The following TPI1 variants were observed in gnomAD, a reference collection of about 807,000 sequenced individuals.
TPI1 encodes triosephosphate isomerase.
TPI1 carries 11 observed loss-of-function variants against 31.0 expected under a neutral mutation model. The observed-to-expected ratio is 0.36, with a 90% CI of 0.22 to 0.59. The LOEUF (loss-of-function observed/expected upper bound fraction) is 0.59, where lower values mean the gene tolerates loss of function less well. Ranked by LOEUF, TPI1 falls within the 20% of genes least tolerant of loss-of-function variation. The probability of loss-of-function intolerance (pLI) is 0.79; values close to 1 mark genes in which losing one functional copy is unlikely to be tolerated. For synonymous variants in TPI1, 121 were observed against 122.8 expected (o/e 0.99, Z 0.10); for missense variants, 245 against 319.7 (o/e 0.77, Z 1.78).
rs1555131512 is a variant in TPI1 at position 6,867,581 on chromosome 12, G to T, written c.15G>T (p.Arg5Ser). MAPSRKFFVGGNWKM... is the reference protein window; with the variant it reads MAPSSKFFVGGNWKM... ...GCTCCAGCGCCATGGCGCCCTCCAG[G>T]AAGTTCTTCGTTGGGGGAAACTGGA... Residue 5 changes from arginine (R) to serine (S), a missense_variant, in exon 1 of 7, where the codon AGG becomes AGT. This residue lies in a region of TPI1 where 95 missense variants were observed against 96.4 expected (regional missense o/e 0.99). Coordinates refer to ENST00000396705, the MANE Select transcript of TPI1 (RefSeq NM_000365.6). 21 of 1,612,832 alleles carry T rather than the reference G, an allele frequency of 1.3e-5. No homozygotes were observed. Among genetic ancestry groups the T allele is most frequent in the Non-Finnish European group, 1.7e-5 (20 of 1,179,740 alleles).
At chr12:6,869,963 A>T in intron 5 of TPI1, 86 bp from the exon 6 acceptor site, 1 of 1,510,108 alleles carries the variant, frequency 6.6e-7, no homozygotes, top group Non-Finnish European at 9.2e-7. Flanking sequence ...CTCAGTCAGA[A>T]ACCACACTAA....
At chr12:6,869,052 C>T (rs782418475) in intron 2 of TPI1, 47 bp from the exon 3 acceptor site, 1 of 1,614,050 alleles carries the variant, frequency 6.2e-7, no homozygotes, top group African/African-American at 1.3e-5. Context: ...AGGGGAAAGC[C>T]ACAGGGTGGG....
At chr12:6,869,896 C>G in intron 5 of TPI1, 123 bp downstream of exon 5, 1 of 1,414,222 alleles carries the variant, frequency 7.1e-7, no homozygotes, top group South Asian at 1.2e-5. Flanking sequence ...GAGACAGTGA[C>G]TTGTCCAAGG....
Position 6,870,363 on chromosome 12 carries a change from A to G in TPI1, c.730A>G (p.Ile244Val), listed in dbSNP as rs143000041. 3.5e-5 allele frequency: 57 copies of G among 1,613,328 alleles called. No homozygotes were observed. In the Middle Eastern group the frequency reaches 5.1e-4, roughly 14 times the overall value. Residue 244 changes from isoleucine to valine, a missense_variant, in exon 7 of 7, where the codon ATC becomes GTC. By Grantham distance (29) the Ile-to-Val change is conservative (BLOSUM62 3). Transcript: ENST00000396705. ...TTCCCTCAAGCCCGAATTCGTGGACATCATCAATGCCAAACAATGAGCCCC... is the reference window on the plus strand; with the variant it reads ...TTCCCTCAAGCCCGAATTCGTGGACGTCATCAATGCCAAACAATGAGCCCC... ...GASLKPEFVD[I>V]INAKQ
At chr12:6,870,018 A>G in intron 5 of TPI1, 31 bp from the exon 6 acceptor site, 1 of 1,612,460 alleles carries the variant, frequency 6.2e-7, no homozygotes, top group South Asian at 1.1e-5. Flanking sequence ...GAGGCAGAAA[A>G]GGTCTTACTT....
rs782449445 is a variant in TPI1 at position 6,870,093 on chromosome 12, C to T, written c.588C>T (p.Asn196=). 37 of 1,614,108 alleles carry T rather than the reference C, an allele frequency of 2.3e-5. 1 individual carries two copies. Among genetic ancestry groups the T allele is most frequent in the South Asian group, 1.3e-4 (12 of 91,092 alleles). The change falls in exon 6 of 7, where the codon AAC becomes AAT. Residue 196 remains asparagine, a synonymous_variant. Coordinates refer to ENST00000396705, the MANE Select transcript of TPI1 (RefSeq NM_000365.6). ...AGCTCCGAGGATGGCTGAAGTCCAA[C>T]GTCTCTGATGCGGTGGCTCAGAGCA... ...HEKLRGWLKS[N]VSDAVAQSTR...
chr12:6,868,893 A>G lies in TPI1; in HGVS notation c.145A>G (p.Ile49Val). Residue 49 changes from isoleucine to valine, a missense_variant, in exon 2 of 7, where the codon ATC (isoleucine) becomes GTC (valine). Transcript: ENST00000396705. ...EVVCAPPTAY[I>V]DFARQKLDPK... Reference sequence around the variant, plus strand: ...GGTTTGTGCTCCCCCTACTGCCTATATCGACTTCGCCCGGCAGAAGCTAGA... The same window carrying G: ...GGTTTGTGCTCCCCCTACTGCCTATGTCGACTTCGCCCGGCAGAAGCTAGA... 1 of 1,613,854 alleles carries G rather than the reference A, an allele frequency of 6.2e-7. No homozygotes were observed. The highest frequency in any genetic ancestry group is 8.5e-7 in the Non-Finnish European group (1 of 1,179,930).
rs782589308 is a variant in TPI1, at chr12:6,869,590, T to C, written c.458-98T>C. Reference sequence around the variant, plus strand: ...CACCTGGAAATCCCCCAATGTCCACTAGGGGGCAGTAGGCCACCGTTCTTC... The same window carrying C: ...CACCTGGAAATCCCCCAATGTCCACCAGGGGGCAGTAGGCCACCGTTCTTC... On this transcript the variant is annotated intron_variant, in intron 4 of 6. Transcript: ENST00000396705. 1.3e-5 allele frequency: 19 copies of C among 1,496,410 alleles called. No individual in the cohort carries two copies. In the South Asian group the frequency reaches 1.8e-4, roughly 14 times the overall value. The allele number at this position is 1,496,410 out of a possible 1,614,324, so 92.7% of individuals were successfully genotyped here. A position where few individuals can be genotyped will look rare whatever the true frequency, so the allele number is the denominator to read the frequency against.
rs782292188 is a variant in TPI1, at chr12:6,868,952, C to T, written c.204C>T (p.Tyr68=). The T allele has an allele frequency of 3.1e-6, 5 of 1,614,086 alleles. No individual in the cohort carries two copies. Among genetic ancestry groups the T allele is most frequent in the Non-Finnish European group, 3.4e-6 (4 of 1,180,040 alleles). ...PKIAVAAQNC[Y]KVTNGAFTGE... Reference sequence around the variant, plus strand: ...TTGCTGTGGCTGCGCAGAACTGCTACAAAGTGACTAATGGGGCTTTTACTG... The same window carrying T: ...TTGCTGTGGCTGCGCAGAACTGCTATAAAGTGACTAATGGGGCTTTTACTG... The change falls in exon 2 of 7, where the codon TAC becomes TAT. Residue 68 remains tyrosine, a synonymous_variant. Coordinates refer to ENST00000396705, the MANE Select transcript of TPI1 (RefSeq NM_000365.6).
chr12:6,868,112 T>G, intron 1 of TPI1: 1 of 1,270,718 alleles, frequency 7.9e-7, no homozygotes, highest in Non-Finnish European at 1.0e-6. Flanking sequence ...CTCCTCCCCT[T>G]CCTCGCCGGC....
rs1442814278 is a variant in TPI1 at position 6,870,712 on chromosome 12, TAC to T, written c.*332_*333del. On this transcript the variant is annotated 3_prime_UTR_variant, in exon 7 of 7. Transcript: ENST00000396705. ...GAAGAGAAACCATCCTCTCCCTTCT[TAC>T]ACCGTGAGGCCAAGATCCCCTCAGA... 4 of 565,858 alleles carry T rather than the reference TAC, an allele frequency of 7.1e-6. No individual in the cohort carries two copies. The highest frequency in any genetic ancestry group is 1.4e-5 in the Non-Finnish European group (4 of 292,838). 35.1% of individuals were successfully genotyped at this position (565,858 alleles called of 1,614,324 possible).
At chr12:6,870,206 TG>T in intron 6 of TPI1, 58 bp from the exon 7 acceptor site, 5 of 1,596,642 alleles carry the variant, frequency 3.1e-6, no homozygotes, top group Non-Finnish European at 3.4e-6. Flanking sequence ...GACATGGAGG[TG>T]GGGATGGGGC....
Position 6,868,852 on chromosome 12 carries a change from T to C in TPI1, c.116-12T>C, listed in dbSNP as rs369077745. On this transcript the variant is annotated splice_polypyrimidine_tract_variant and intron_variant, in intron 1 of 6. Transcript: ENST00000396705. ...TTAGTCTCATCCCCCTGTGGTACCATCTTGTCCTCAGAGGTGGTTTGTGCT... is the reference window on the plus strand; with the variant it reads ...TTAGTCTCATCCCCCTGTGGTACCACCTTGTCCTCAGAGGTGGTTTGTGCT... 3.4e-5 allele frequency: 54 copies of C among 1,611,078 alleles called. No homozygotes were observed. The African/African-American group carries it at 5.9e-4, about 18-fold the overall frequency.
Position 6,870,401 on chromosome 12 carries a change from T to C in TPI1, c.*18T>C, listed in dbSNP as rs781825619. ...AACAATGAGCCCCATCCATCTTCCC[T>C]ACCCTTCCTGCCAAGCCAGGGACTA... On this transcript the variant is annotated 3_prime_UTR_variant, in exon 7 of 7. Transcript: ENST00000396705. The C allele has an allele frequency of 2.5e-6, 4 of 1,582,722 alleles. No homozygotes were observed. Among genetic ancestry groups the C allele is most frequent in the Middle Eastern group, 2.0e-4 (1 of 5,002 alleles).
rs2138092704 is a variant in TPI1 at position 6,869,387 on chromosome 12, G to A, written c.454G>A (p.Ala152Thr). 2 of 1,614,068 alleles carry A rather than the reference G, an allele frequency of 1.2e-6. No individual in the cohort carries two copies. Among genetic ancestry groups the A allele is most frequent in the South Asian group, 1.1e-5 (1 of 91,076 alleles). The change falls in exon 4 of 7, where the codon GCA (alanine) becomes ACA (threonine). Residue 152 changes from alanine (A) to threonine (T), a missense_variant. This residue lies in a region of TPI1 where 127 missense variants were observed against 163.7 expected (regional missense o/e 0.78). Transcript: ENST00000396705. ...TGTTTTCGAGCAGACAAAGGTCATCGCAGGTATCTCTGGAGAAAGGGACCT... is the reference window on the plus strand; with the variant it reads ...TGTTTTCGAGCAGACAAAGGTCATCACAGGTATCTCTGGAGAAAGGGACCT... ...KVVFEQTKVI[A>T]DNVKDWSKVV...
At position 6,868,821 on chromosome 12, in the gene TPI1, C is replaced by T. The variant is rs1555132003; in HGVS notation, c.116-43C>T. 4 of 1,594,574 alleles carry T rather than the reference C, an allele frequency of 2.5e-6. No individual in the cohort carries two copies. In the Admixed American group the frequency reaches 5.3e-5, roughly 21 times the overall value. On this transcript the variant is annotated intron_variant, in intron 1 of 6. Transcript: ENST00000396705. The stretch of plus-strand genomic sequence containing the variant: ...GGTTAGGAATTGTGGGGAATGAAGG[C>T]TTTCTTTAGTCTCATCCCCCTGTGG...
chr12:6,870,607 C>G lies in TPI1; in HGVS notation c.*224C>G, dbSNP rs781784943. 1.5e-4 allele frequency: 104 copies of G among 710,900 alleles called. No individual in the cohort carries two copies. In the African/African-American group the frequency reaches 1.5e-3, roughly 10 times the overall value. 44.0% of individuals were successfully genotyped at this position (710,900 alleles called of 1,614,324 possible). A position where few individuals can be genotyped will look rare whatever the true frequency, so the allele number is the denominator to read the frequency against. ...CTATAATGGTTGGAACTAAACGTCA[C>G]CAAGGTGGCTTCTCCTTGGCTGAGA... is the stretch of plus-strand genomic sequence containing the variant. On this transcript the variant is annotated 3_prime_UTR_variant, in exon 7 of 7. Transcript: ENST00000396705.
chr12:6,867,924 T>C lies in TPI1; in HGVS notation c.115+243T>C, dbSNP rs190321482. On this transcript the variant is annotated intron_variant, in intron 1 of 6. Coordinates refer to ENST00000396705, the MANE Select transcript of TPI1 (RefSeq NM_000365.6). ...GGACTATGGGGCAGGTAAGGACGTT[T>C]TGGGTCTCCTGGAGGAAGGTGGCCC... Among the ~76,000 whole-genome samples, 287 of 152,256 alleles carry C rather than the reference T, an allele frequency of 1.9e-3. 2 individuals are homozygous for C. The highest frequency in any genetic ancestry group is 6.5e-3 in the African/African-American group (272 of 41,572).
intron 1 of TPI1, chr12:6,868,075 C>G: frequency 8.1e-7 from 1 of 1,231,290 alleles, no homozygotes; most frequent in Non-Finnish European, 1.0e-6. Context: ...GCCTCCCGCG[C>G]CGTGCGCCGC....
Sources: gnomAD v4.1 joint callset for allele counts (sites outside exome capture counted in the v4.1 genomes callset) on GRCh38, gnomAD v4.1.1 for gene constraint, gnomAD v4.1.1 regional missense constraint, MANE v1.5 for transcripts, NCBI Gene and HGNC (gene_info 2026-07-23, HGNC 2026-07-21) for gene names.